Variants in MROH2B observed in about 807,000 individuals in gnomAD.
The protein encoded by MROH2B is maestro heat like repeat family member 2B.
MROH2B carries 177 observed loss-of-function variants against 208.6 expected under a neutral mutation model. The observed-to-expected ratio is 0.85, with a 90% CI of 0.75 to 0.96. MROH2B has a LOEUF of 0.96. MROH2B is among the 40% of genes least tolerant of loss of function. The probability of loss-of-function intolerance (pLI) is 0.00; values close to 1 mark genes in which losing one functional copy is unlikely to be tolerated. For missense variants in MROH2B, 2,002 were observed against 1,878.7 expected (o/e 1.07, Z -1.21); for synonymous variants, 728 against 659.0 (o/e 1.10, Z -1.60).
intron 24 of MROH2B, among the ~76,000 whole-genome samples, chr5:41,022,589 G>A (rs1036576425): frequency 6.6e-6 from 1 of 152,204 alleles, no homozygotes; most frequent in Admixed American, 6.5e-5. Context: ...AGCTCAAGGA[G>A]GCCTGCCTGC....
intron 17 of MROH2B, among the ~76,000 whole-genome samples, chr5:41,047,135 A>C (rs1743147130): frequency 6.6e-6 from 1 of 152,190 alleles, no homozygotes; most frequent in South Asian, 2.1e-4. Context: ...AAGTTTCTGA[A>C]GTCACATCTT....
chr5:41,004,580 GAAGAGGGTAGGAGTCCTCAGAC>G, intron 36 of MROH2B, 52 bp from the exon 37 acceptor site: 1 of 1,566,854 alleles, frequency 6.4e-7, no homozygotes, highest in Non-Finnish European at 8.6e-7. Flanking sequence ...TGCGTATCTG[GAAGAGGGTAGGAGTCCTCAGAC>G]AAGAGGACTG....
rs766346553 is a variant in MROH2B, at chr5:41,005,539, A to C, written c.3856T>G (p.Phe1286Val). Residue 1286 changes from phenylalanine (F) to valine (V), a missense_variant, in exon 35 of 42, where the codon TTC (phenylalanine) becomes GTC (valine). Transcript: ENST00000399564. Reference sequence around the variant, plus strand: ...GGGCTGTTCTCCCTTGCCTCAGAGAAGAAAGCTGCGCCGGTTATCCGGTAG... The same window carrying C: ...GGGCTGTTCTCCCTTGCCTCAGAGACGAAAGCTGCGCCGGTTATCCGGTAG... ...ENYRITGAAF[F>V]SELMKEPILW... is the part of the protein sequence containing the mutation. The C allele has an allele frequency of 1.6e-5, 25 of 1,600,004 alleles. No homozygotes were observed. In the East Asian group the frequency reaches 5.2e-4, roughly 33 times the overall value.
In MROH2B at chr5:41,000,957, C is replaced by T. The variant is rs878878405; in HGVS notation, c.4195-124G>A. 22 of 1,071,464 alleles carry T rather than the reference C, an allele frequency of 2.1e-5. No homozygotes were observed. In the South Asian group the frequency reaches 2.8e-4, roughly 14 times the overall value. The allele number at this position is 1,071,464 out of a possible 1,614,324, so 66.4% of individuals were successfully genotyped here. A position where few individuals can be genotyped will look rare whatever the true frequency, so the allele number is the denominator to read the frequency against. ...AGAAGGCTGGAACCCAGGCACTTGT[C>T]CATCATAGTCACGGCCTCTAAATGT... On this transcript the variant is annotated intron_variant, in intron 37 of 41. Coordinates refer to ENST00000399564, the MANE Select transcript of MROH2B (RefSeq NM_173489.5).
chr5:41,014,235 C>T (rs975410378), intron 29 of MROH2B, among the ~76,000 whole-genome samples: 3 of 152,184 alleles, frequency 2.0e-5, no homozygotes, highest in African/African-American at 7.2e-5. Flanking sequence ...TGTTGTCTTA[C>T]ATGAGGGTGC....
intron 28 of MROH2B, among the ~76,000 whole-genome samples, chr5:41,015,738 G>A (rs1207792692): frequency 7.9e-5 from 12 of 152,172 alleles, no homozygotes; most frequent in African/African-American, 2.9e-4. Context: ...GAGAAAGCGG[G>A]AACAGAGATG....
At chr5:41,027,269 A>C (rs1298020984) in intron 24 of MROH2B, among the ~76,000 whole-genome samples, 3 of 152,244 alleles carry the variant, frequency 2.0e-5, no homozygotes, top group Non-Finnish European at 2.9e-5. Context: ...AAATGGGAGA[A>C]AATTTTTGCA....
intron 6 of MROH2B, 78 bp from the exon 7 acceptor site, chr5:41,058,281 A>C (rs1334545972): frequency 2.9e-6 from 4 of 1,362,096 alleles, no homozygotes; most frequent in African/African-American, 1.5e-5. Flanking sequence ...CAGGAGCTTT[A>C]GGTACTCCTG....
chr5:41,010,358 C>A (rs925831350), intron 30 of MROH2B, among the ~76,000 whole-genome samples: 1 of 152,084 alleles, frequency 6.6e-6, no homozygotes, highest in African/African-American at 2.4e-5. Context: ...AAAAGATGTA[C>A]CCTTTTTGCA....
At chr5:41,022,326 C>G (rs1034568537) in intron 24 of MROH2B, among the ~76,000 whole-genome samples, 9 of 152,162 alleles carry the variant, frequency 5.9e-5, no homozygotes, top group Non-Finnish European at 1.2e-4. Context: ...CAGATGGCAC[C>G]TGGAAAATTG....
At chr5:41,065,553 G>A in intron 3 of MROH2B, 63 bp from the exon 4 acceptor site, 1 of 1,330,590 alleles carries the variant, frequency 7.5e-7, no homozygotes, top group Non-Finnish European at 1.1e-6. Flanking sequence ...TCTATGGAGG[G>A]GAACTAGTCA....
At chr5:41,034,032 A>G in intron 21 of MROH2B, 168 bp from the exon 22 acceptor site, 17 of 984,936 alleles carry the variant, frequency 1.7e-5, no homozygotes, top group Non-Finnish European at 2.0e-5. Flanking sequence ...CACTTCTTCC[A>G]TTTTTAAAGT....
chr5:41,005,939 G>A (rs1741574423), intron 34 of MROH2B, among the ~76,000 whole-genome samples: 1 of 150,700 alleles, frequency 6.6e-6, no homozygotes. Context: ...GCTGAGGCAG[G>A]AGAATTGTTT....
At chr5:41,020,659 C>T (rs1379491191) in intron 24 of MROH2B, among the ~76,000 whole-genome samples, 1 of 151,524 alleles carries the variant, frequency 6.6e-6, no homozygotes, top group Non-Finnish European at 1.5e-5. Context: ...TTTTTTTGCC[C>T]AAAGGTGTTT....
At position 41,030,096 on chromosome 5, in the gene MROH2B, A is replaced by T. The variant is rs58751670; in HGVS notation, c.2441+2646T>A. On this transcript the variant is annotated intron_variant, in intron 24 of 41. Coordinates refer to ENST00000399564, the MANE Select transcript of MROH2B (RefSeq NM_173489.5). Reference sequence around the variant, plus strand: ...TTAATGTCCAGAATAAATTAAAAAAAATATTATAATTAAACAACGAAACAC... The same window carrying T: ...TTAATGTCCAGAATAAATTAAAAAATATATTATAATTAAACAACGAAACAC... Among the ~76,000 whole-genome samples, 307 of 152,160 alleles carry T rather than the reference A, an allele frequency of 2.0e-3. 1 individual carries two copies. The highest frequency in any genetic ancestry group is 6.4e-3 in the African/African-American group (267 of 41,546).
intron 24 of MROH2B, among the ~76,000 whole-genome samples, chr5:41,022,252 A>G (rs796204296): frequency 2.0e-5 from 3 of 152,306 alleles, no homozygotes; most frequent in African/African-American, 7.2e-5. Flanking sequence ...AGGGCGAGGC[A>G]TCACCTCACC....
At chr5:41,045,334 A>G (rs1479264123) in intron 18 of MROH2B, among the ~76,000 whole-genome samples, 2 of 152,112 alleles carry the variant, frequency 1.3e-5, no homozygotes, top group Non-Finnish European at 1.5e-5. Flanking sequence ...TCTTTTAGCT[A>G]TAAGCTTTTG....
At chr5:41,067,028 T>C in intron 3 of MROH2B, 80 bp downstream of exon 3, 2 of 768,606 alleles carry the variant, frequency 2.6e-6, no homozygotes, top group South Asian at 2.9e-5. Flanking sequence ...CTGGCAACAG[T>C]GTAGAAGAGC....
chr5:41,038,685 G>T, intron 21 of MROH2B, 51 bp downstream of exon 21: 7 of 1,544,318 alleles, frequency 4.5e-6, no homozygotes, highest in Non-Finnish European at 5.2e-6. Context: ...GCCCCTGCAA[G>T]TTTTAGGAAC....
Sources: allele counts gnomAD v4.1 joint callset (sites outside exome capture counted in the v4.1 genomes callset), GRCh38; gene constraint gnomAD v4.1.1; transcripts MANE v1.5; gene names NCBI Gene and HGNC (gene_info 2026-07-23, HGNC 2026-07-21).